The following KPNA4 variants were observed in gnomAD, a reference collection of about 807,000 sequenced individuals.
KPNA4 encodes the protein importin subunit alpha-3.
KPNA4 carries 13 observed loss-of-function variants against 71.3 expected under a neutral mutation model. The observed-to-expected ratio is 0.18, with a 90% CI of 0.12 to 0.29. The LOEUF is 0.29. Ranked by LOEUF, KPNA4 falls within the 10% of genes least tolerant of loss-of-function variation. The pLI, the probability that KPNA4 is intolerant of heterozygous loss-of-function variation, is 1.00. For missense variants in KPNA4, 334 were observed against 603.2 expected (o/e 0.55, Z 4.67); for synonymous variants, 189 against 195.2 (o/e 0.97, Z 0.26).
At position 160,499,516 on chromosome 3, in the gene KPNA4, C is replaced by T. The variant is rs1475198550; in HGVS notation, c.*2588G>A. The T allele has an allele frequency of 2.6e-5, 4 of 151,144 alleles. No homozygotes were observed. The highest frequency in any genetic ancestry group is 1.3e-4 in the Admixed American group (2 of 15,176). 9.4% of individuals were successfully genotyped at this position (151,144 alleles called of 1,614,324 possible). On this transcript the variant is annotated 3_prime_UTR_variant, in exon 17 of 17. Transcript: ENST00000334256. Reference sequence around the variant, plus strand: ...AAAAAAAAGTGTTTAACCAGGTAACCGTGATGAACTGTCAACTGTACTGAA... The same window carrying T: ...AAAAAAAAGTGTTTAACCAGGTAACTGTGATGAACTGTCAACTGTACTGAA...
chr3:160,561,621 A>G (rs1722247902), intron 1 of KPNA4, among the ~76,000 whole-genome samples: 1 of 152,088 alleles, frequency 6.6e-6, no homozygotes, highest in African/African-American at 2.4e-5. Context: ...ATTGAAATCT[A>G]TGAATAACTT....
At chr3:160,524,725 T>C (rs1560048737) in intron 10 of KPNA4, among the ~76,000 whole-genome samples, 1 of 152,070 alleles carries the variant, frequency 6.6e-6, no homozygotes, top group Admixed American at 6.6e-5. Context: ...AAACCAAAAA[T>C]TACTTACACA....
intron 11 of KPNA4, among the ~76,000 whole-genome samples, chr3:160,516,868 T>C (rs1721237532): frequency 6.6e-6 from 1 of 152,080 alleles, no homozygotes; most frequent in Admixed American, 6.5e-5. Flanking sequence ...TTATCAATTA[T>C]TTTTCTGTGG....
rs919019474 is a variant in KPNA4, at chr3:160,497,867, T to C, written c.*4237A>G. The C allele has an allele frequency of 1.3e-5, 2 of 152,160 alleles. No homozygotes were observed. Among genetic ancestry groups the C allele is most frequent in the African/African-American group, 4.8e-5 (2 of 41,426 alleles). The allele number at this position is 152,160 out of a possible 1,614,324, so 9.4% of individuals were successfully genotyped here. Reference sequence around the variant, plus strand: ...TTATAGTTCACTTTAATAGCTACAATGGAAGATTCAATTTTGGAAACTCAA... The same window carrying C: ...TTATAGTTCACTTTAATAGCTACAACGGAAGATTCAATTTTGGAAACTCAA... On this transcript the variant is annotated 3_prime_UTR_variant, in exon 17 of 17. Coordinates refer to ENST00000334256, the MANE Select transcript of KPNA4 (RefSeq NM_002268.5).
intron 1 of KPNA4, among the ~76,000 whole-genome samples, chr3:160,540,310 CTTT>C (rs1200813795): frequency 1.3e-5 from 2 of 152,006 alleles, no homozygotes. Flanking sequence ...GAAAGATTTT[CTTT>C]TTACTTGATA....
At chr3:160,550,764 A>G (rs1432718673) in intron 1 of KPNA4, among the ~76,000 whole-genome samples, 2 of 152,174 alleles carry the variant, frequency 1.3e-5, no homozygotes, top group Non-Finnish European at 1.5e-5. Flanking sequence ...ATCAACTGGT[A>G]TGACTGTGTC....
Position 160,515,534 on chromosome 3 carries a change from T to G in KPNA4, c.950A>C (p.Glu317Ala). The G allele has an allele frequency of 6.2e-7, 1 of 1,613,900 alleles. No homozygotes were observed. The highest frequency in any genetic ancestry group is 8.5e-7 in the Non-Finnish European group (1 of 1,179,814). The change falls in exon 12 of 17, where the codon GAG becomes GCG. Residue 317 changes from glutamate (E) to alanine (A), a missense_variant. By Grantham distance (107) the Glu-to-Ala change is moderately radical. Transcript: ENST00000334256. ...ACAGTTCAAAACTACTTGTGTTTGCTCATCAGTTCCAGTAACAATGTTGCC... is the reference window on the plus strand; with the variant it reads ...ACAGTTCAAAACTACTTGTGTTTGCGCATCAGTTCCAGTAACAATGTTGCC... ...AVGNIVTGTD[E>A]QTQVVLNCDA... is the part of the protein sequence containing the mutation.
At position 160,521,915 on chromosome 3, in the gene KPNA4, TG is replaced by T. The variant is rs767367081; in HGVS notation, c.772-6del. On this transcript the variant is annotated splice_polypyrimidine_tract_variant and splice_region_variant and intron_variant, in intron 10 of 16. Coordinates refer to ENST00000334256, the MANE Select transcript of KPNA4 (RefSeq NM_002268.5). The stretch of plus-strand genomic sequence containing the variant: ...CCAGACTGTGTCTACCAGTATCTAA[TG>T]AATAAAATAAAAATTCAAACAACTT... 13 of 1,587,450 alleles carry T rather than the reference TG, an allele frequency of 8.2e-6. No homozygotes were observed. Among genetic ancestry groups the T allele is most frequent in the Non-Finnish European group, 1.1e-5 (13 of 1,172,188 alleles).
chr3:160,526,709 G>A (rs927706355), intron 8 of KPNA4, among the ~76,000 whole-genome samples: 1 of 152,198 alleles, frequency 6.6e-6, no homozygotes, highest in Non-Finnish European at 1.5e-5. Flanking sequence ...TTCTGTATCT[G>A]AAGCATCACT....
At chr3:160,540,669 T>C (rs528138668) in intron 1 of KPNA4, among the ~76,000 whole-genome samples, 3 of 152,352 alleles carry the variant, frequency 2.0e-5, no homozygotes, top group South Asian at 2.1e-4. Flanking sequence ...AGGCTTTGTA[T>C]ACTACATGAA....
intron 13 of KPNA4, among the ~76,000 whole-genome samples, chr3:160,512,856 C>T (rs1721126014): frequency 6.6e-6 from 1 of 152,004 alleles, no homozygotes; most frequent in African/African-American, 2.4e-5. Context: ...AAAAACAAGA[C>T]AAGTTCTTTA....
chr3:160,514,283 GA>G, intron 12 of KPNA4, 102 bp from the exon 13 acceptor site: 1 of 700,726 alleles, frequency 1.4e-6, no homozygotes. Flanking sequence ...ATTTTACTAC[GA>G]AATGAGCTCC....
intron 7 of KPNA4, 123 bp from the exon 8 acceptor site, chr3:160,528,162 C>T: frequency 1.8e-6 from 1 of 550,502 alleles, no homozygotes; most frequent in East Asian, 3.2e-5. Flanking sequence ...AAAATATAAC[C>T]TCATTAAATG....
Position 160,565,416 on chromosome 3 carries a change from T to C in KPNA4, c.-134A>G. The C allele has an allele frequency of 2.9e-6, 2 of 692,222 alleles. No homozygotes were observed. The highest frequency in any genetic ancestry group is 4.9e-6 in the Non-Finnish European group (2 of 408,318). 42.9% of individuals were successfully genotyped at this position (692,222 alleles called of 1,614,324 possible). On this transcript the variant is annotated 5_prime_UTR_variant, in exon 1 of 17. Transcript: ENST00000334256. ...CGCCGCGCCGCCGCTTCCTTCCTCC[T>C]CTCACCTGCCTCCGCCGCGGCCTTC...
At chr3:160,542,036 C>T (rs1016448336) in intron 1 of KPNA4, among the ~76,000 whole-genome samples, 5 of 152,006 alleles carry the variant, frequency 3.3e-5, no homozygotes, top group African/African-American at 9.7e-5. Context: ...TAAGACTGAA[C>T]GGCAATCCAT....
At chr3:160,511,790 G>A (rs763668484) in intron 13 of KPNA4, among the ~76,000 whole-genome samples, 1 of 150,000 alleles carries the variant, frequency 6.7e-6, no homozygotes, top group Non-Finnish European at 1.5e-5. Context: ...TGGTCTTTAG[G>A]ATATATATCA....
intron 1 of KPNA4, among the ~76,000 whole-genome samples, chr3:160,558,196 T>C (rs1408599232): frequency 4.6e-5 from 7 of 152,222 alleles, no homozygotes; most frequent in Non-Finnish European, 1.0e-4. Flanking sequence ...TAAACTAGTA[T>C]GTATGTGACA....
rs1035786904 is a variant in KPNA4, at chr3:160,535,494, T to C, written c.287+19A>G. On this transcript the variant is annotated intron_variant, in intron 5 of 16. Transcript: ENST00000334256. ...GTGTAAGTTGTAAAATCTAAACATGTCTTCCAAATTCAACTTACCTAGCAG... is the reference window on the plus strand; with the variant it reads ...GTGTAAGTTGTAAAATCTAAACATGCCTTCCAAATTCAACTTACCTAGCAG... 5 of 1,581,042 alleles carry C rather than the reference T, an allele frequency of 3.2e-6. No individual in the cohort carries two copies. The African/African-American group carries it at 4.0e-5, about 13-fold the overall frequency.
Position 160,502,141 on chromosome 3 carries a change from G to C in KPNA4, c.1529C>G (p.Ser510Ter). The C allele has an allele frequency of 6.3e-7, 1 of 1,598,196 alleles. No individual in the cohort carries two copies. The highest frequency in any genetic ancestry group is 8.5e-7 in the Non-Finnish European group (1 of 1,170,224). ...AIQGGTFGFN[S>*]SANVPTEGFQ... Reference sequence around the variant, plus strand: ...CCCTTCTGTTGGTACATTGGCAGATGAATTGAAACCAAATGTTCCGCCTTG... The same window carrying C: ...CCCTTCTGTTGGTACATTGGCAGATCAATTGAAACCAAATGTTCCGCCTTG... The change falls in exon 17 of 17, where the codon TCA (serine) becomes TGA (stop). Residue 510 changes from serine to a stop codon, truncating the protein, a stop_gained. Coordinates refer to ENST00000334256, the MANE Select transcript of KPNA4 (RefSeq NM_002268.5). LOFTEE classifies it high-confidence loss of function.
Sources: allele counts gnomAD v4.1 joint callset (sites outside exome capture counted in the v4.1 genomes callset), GRCh38; gene constraint gnomAD v4.1.1; transcripts MANE v1.5; gene names NCBI Gene and HGNC (gene_info 2026-07-23, HGNC 2026-07-21).